IL1RAPL1: variants seen among roughly 807,000 people sequenced by gnomAD.
IL1RAPL1 encodes the protein interleukin 1 receptor accessory protein like 1.
Under a neutral mutation model 48.4 loss-of-function variants are expected in IL1RAPL1, and 3 were observed. The observed-to-expected ratio is 0.06, with a 90% confidence interval of 0.03 to 0.16. IL1RAPL1 has a LOEUF of 0.16. Among genes scored for constraint, IL1RAPL1 ranks in the 10% least tolerant of loss-of-function variants. The pLI is 1.00. For synonymous variants in IL1RAPL1, 185 were observed against 187.7 expected (o/e 0.99, Z 0.12); for missense variants, 349 against 530.6 (o/e 0.66, Z 3.36).
At chrX:28,891,800 T>C (rs2147320042) in intron 2 of IL1RAPL1, among the ~76,000 whole-genome samples, 1 of 111,404 alleles carries the variant, frequency 9.0e-6, no homozygotes, top group East Asian at 2.8e-4. Context: ...AGGAACCAGA[T>C]TTACCAAAAC....
chrX:29,085,642 A>G lies in IL1RAPL1; in HGVS notation c.83-197296A>G, dbSNP rs928773865. On this transcript the variant is annotated intron_variant, in intron 2 of 10. Coordinates refer to ENST00000378993, the MANE Select transcript of IL1RAPL1 (RefSeq NM_014271.4). ...CCAGAGAAAGTCTGAAAATGTTGAC[A>G]GTTTATATCACTCAAATATCTACCG... Among the ~76,000 whole-genome samples the G allele has an allele frequency of 3.6e-5, 4 of 111,960 alleles. No homozygotes were observed. The East Asian group carries it at 1.1e-3, about 31-fold the overall frequency.
At chrX:28,717,869 C>T (rs190284283) in intron 1 of IL1RAPL1, among the ~76,000 whole-genome samples, 24 of 111,030 alleles carry the variant, frequency 2.2e-4, no homozygotes, top group Non-Finnish European at 4.4e-4. Context: ...AAGTTGTATT[C>T]TGTTGCATTT....
At chrX:28,685,996 T>C (rs1418555955) in intron 1 of IL1RAPL1, among the ~76,000 whole-genome samples, 1 of 111,854 alleles carries the variant, frequency 8.9e-6, no homozygotes, top group Non-Finnish European at 1.9e-5. Flanking sequence ...TGGGAATTTC[T>C]CTTCTATATT....
At chrX:28,640,092 T>C (rs1934515130) in intron 1 of IL1RAPL1, among the ~76,000 whole-genome samples, 1 of 111,757 alleles carries the variant, frequency 8.9e-6, no homozygotes, top group Admixed American at 9.5e-5. Context: ...GTGGCCATCA[T>C]AGCATTACTA....
intron 3 of IL1RAPL1, among the ~76,000 whole-genome samples, chrX:29,300,158 C>G (rs1932510272): frequency 9.0e-6 from 1 of 111,674 alleles, no homozygotes; most frequent in Non-Finnish European, 1.9e-5. Flanking sequence ...ACTAGCTAAC[C>G]TCAAGTAGTT....
chrX:29,309,719 A>G (rs1932680489), intron 3 of IL1RAPL1, among the ~76,000 whole-genome samples: 1 of 109,733 alleles, frequency 9.1e-6, no homozygotes, highest in South Asian at 4.0e-4. Context: ...AGGCTTAGGC[A>G]GGAGAATCAC....
intron 2 of IL1RAPL1, among the ~76,000 whole-genome samples, chrX:28,941,881 G>A (rs1924171155): frequency 9.2e-6 from 1 of 108,558 alleles, no homozygotes; most frequent in Admixed American, 9.9e-5. Flanking sequence ...CATGTAATAG[G>A]TTTTTAATAA....
At chrX:29,868,042 A>C (rs986071036) in intron 6 of IL1RAPL1, among the ~76,000 whole-genome samples, 1 of 112,312 alleles carries the variant, frequency 8.9e-6, no homozygotes, top group Admixed American at 9.4e-5. Context: ...GTAGTTGGCC[A>C]TGAATAGAGA....
chrX:29,287,485 A>G (rs1055708870), intron 3 of IL1RAPL1, among the ~76,000 whole-genome samples: 2 of 112,557 alleles, frequency 1.8e-5, no homozygotes, highest in Non-Finnish European at 3.8e-5. Context: ...GCTTAGTTTT[A>G]TGAGAAAGAA....
intron 5 of IL1RAPL1, among the ~76,000 whole-genome samples, chrX:29,649,808 G>T (rs1925456319): frequency 9.0e-6 from 1 of 111,040 alleles, no homozygotes; most frequent in Non-Finnish European, 1.9e-5. Flanking sequence ...GGAAAAGGAA[G>T]ATACTAAACT....
At chrX:29,837,294 T>TACACACAC (rs1435991693) in intron 6 of IL1RAPL1, among the ~76,000 whole-genome samples, 2 of 74,889 alleles carry the variant, frequency 2.7e-5, no homozygotes, top group African/African-American at 1.3e-4. Flanking sequence ...TATATATATA[T>TACACACAC]ATATATACAC....
intron 2 of IL1RAPL1, among the ~76,000 whole-genome samples, chrX:29,215,303 G>A (rs1275491223): frequency 2.8e-5 from 3 of 106,478 alleles, no homozygotes; most frequent in Admixed American, 2.0e-4. Context: ...AGATGGCACC[G>A]TTGCATTCCA....
intron 1 of IL1RAPL1, among the ~76,000 whole-genome samples, chrX:28,734,962 A>G: frequency 8.9e-6 from 1 of 112,065 alleles, no homozygotes. Flanking sequence ...TTCGTTTGCT[A>G]ATACAACAGG....
chrX:29,113,521 A>G (rs1444432254), intron 2 of IL1RAPL1, among the ~76,000 whole-genome samples: 3 of 112,137 alleles, frequency 2.7e-5, no homozygotes, highest in African/African-American at 9.7e-5. Context: ...CTTACCCATT[A>G]GCAGTGTACC....
At chrX:28,832,487 C>T (rs1436226070) in intron 2 of IL1RAPL1, among the ~76,000 whole-genome samples, 1 of 111,062 alleles carries the variant, frequency 9.0e-6, no homozygotes, top group Non-Finnish European at 1.9e-5. Context: ...AAAACTGTTT[C>T]TTTCCAAAAT....
intron 5 of IL1RAPL1, among the ~76,000 whole-genome samples, chrX:29,568,534 A>G (rs2147796860): frequency 9.0e-6 from 1 of 110,821 alleles, no homozygotes; most frequent in African/African-American, 3.3e-5. Flanking sequence ...TTCTATATAA[A>G]TGTTATTTCA....
intron 2 of IL1RAPL1, among the ~76,000 whole-genome samples, chrX:29,050,249 TAGG>T (rs1170702550): frequency 8.9e-6 from 1 of 111,925 alleles, no homozygotes; most frequent in East Asian, 2.8e-4. Context: ...GAGTATTGCA[TAGG>T]ATATCCTTTC....
chrX:29,796,484 A>C (rs1929743500), intron 6 of IL1RAPL1, among the ~76,000 whole-genome samples: 2 of 111,631 alleles, frequency 1.8e-5, no homozygotes, highest in African/African-American at 6.5e-5. Flanking sequence ...CTCAAGCCAG[A>C]TACCTAAGAG....
At chrX:29,466,516 G>A (rs1175909419) in intron 5 of IL1RAPL1, among the ~76,000 whole-genome samples, 1 of 111,719 alleles carries the variant, frequency 9.0e-6, no homozygotes, top group Admixed American at 9.5e-5. Context: ...CTTAAAAAAA[G>A]ACAAACAAAC....
Sources: gnomAD v4.1 joint callset for allele counts (sites outside exome capture counted in the v4.1 genomes callset) on GRCh38, gnomAD v4.1.1 for gene constraint, MANE v1.5 for transcripts, NCBI Gene and HGNC (gene_info 2026-07-23, HGNC 2026-07-21) for gene names.